ABI1: variants seen among roughly 807,000 people sequenced by gnomAD.
ABI1 encodes abl interactor 1.
A neutral mutation model predicts 54.6 loss-of-function variants in ABI1; 14 were observed. The observed-to-expected ratio is 0.26, with a 90% confidence interval of 0.17 to 0.40. The LOEUF (loss-of-function observed/expected upper bound fraction) is 0.40, where lower values mean the gene tolerates loss of function less well. ABI1 is among the 10% of genes least tolerant of loss of function. The probability of loss-of-function intolerance (pLI) is 1.00; values close to 1 mark genes in which losing one functional copy is unlikely to be tolerated. For missense variants in ABI1, 443 were observed against 598.3 expected (o/e 0.74, Z 2.71); for synonymous variants, 194 against 209.3 (o/e 0.93, Z 0.63).
At chr10:26,765,379 G>T in intron 6 of ABI1, 61 bp from the exon 7 acceptor site, 1 of 1,206,910 alleles carries the variant, frequency 8.3e-7, no homozygotes. Flanking sequence ...AAAAAAAACT[G>T]TAATCACCCA....
chr10:26,760,424 A>G (rs1838976320), intron 7 of ABI1, among the ~76,000 whole-genome samples: 1 of 152,220 alleles, frequency 6.6e-6, no homozygotes, highest in Non-Finnish European at 1.5e-5. Flanking sequence ...GTTCATTAAG[A>G]GAAGTGCTGA....
intron 2 of ABI1, among the ~76,000 whole-genome samples, chr10:26,804,467 T>C (rs1019130097): frequency 6.6e-6 from 1 of 152,064 alleles, no homozygotes; most frequent in African/African-American, 2.4e-5. Flanking sequence ...TTCAAGAACT[T>C]GGTTGTAAAC....
chr10:26,757,691 T>C (rs1838491136), intron 8 of ABI1, among the ~76,000 whole-genome samples: 1 of 152,188 alleles, frequency 6.6e-6, no homozygotes, highest in South Asian at 2.1e-4. Flanking sequence ...TTGGGATTAT[T>C]TGTGAATTTT....
chr10:26,842,136 G>A (rs2049564825), intron 1 of ABI1, among the ~76,000 whole-genome samples: 1 of 152,190 alleles, frequency 6.6e-6, no homozygotes, highest in African/African-American at 2.4e-5. Context: ...TAAGGGGTGT[G>A]AGGTGACGCC....
At position 26,860,947 on chromosome 10, in the gene ABI1, CG is replaced by C; in HGVS notation, c.-85del. The C allele has an allele frequency of 1.6e-6, 2 of 1,250,282 alleles. No homozygotes were observed. Among genetic ancestry groups the C allele is most frequent in the Non-Finnish European group, 2.3e-6 (2 of 858,560 alleles). 77.4% of individuals were successfully genotyped at this position (1,250,282 alleles called of 1,614,324 possible). A position where few individuals can be genotyped will look rare whatever the true frequency, so the allele number is the denominator to read the frequency against. On this transcript the variant is annotated 5_prime_UTR_variant, in exon 1 of 11. Transcript: ENST00000376140. This position sits in a 1 kb window ranked among gnomAD's most constrained non-coding sequence, Gnocchi z 4.1. ...CCGAGGCTCCGAGCACCTCACAGCC[CG>C]GATACAAACCGCCTACCCGCCCTCC... is the stretch of plus-strand genomic sequence containing the variant.
At chr10:26,852,380 G>A (rs141494664) in intron 1 of ABI1, among the ~76,000 whole-genome samples, 1 of 152,194 alleles carries the variant, frequency 6.6e-6, no homozygotes, top group Non-Finnish European at 1.5e-5. Flanking sequence ...TCAGGATGCC[G>A]AGGCAGGAGA....
chr10:26,834,548 A>AAC (rs571268846), intron 1 of ABI1, among the ~76,000 whole-genome samples: 24,462 of 138,232 alleles, frequency 0.18, 2,260 homozygotes, highest in African/African-American at 0.26. Flanking sequence ...AGACATACAA[A>AAC]ACACACACAC....
chr10:26,755,363 A>T (rs1838169416), intron 9 of ABI1, among the ~76,000 whole-genome samples: 1 of 152,158 alleles, frequency 6.6e-6, no homozygotes, highest in African/African-American at 2.4e-5. Context: ...TATAATTTGA[A>T]TTTTTGTGTT....
rs150325204 is a variant in ABI1, at chr10:26,763,491, G to A, written c.820+1727C>T. ...CAGAGTACCCCATCCCACACATATC[G>A]TTTGCCTTTCAATTTTTCTCCTCCT... On this transcript the variant is annotated intron_variant, in intron 7 of 10. Transcript: ENST00000376140. Among the ~76,000 whole-genome samples the A allele has an allele frequency of 1.0e-2, 1,517 of 152,072 alleles. 22 individuals carry two copies. Among genetic ancestry groups the A allele is most frequent in the African/African-American group, 0.033 (1,370 of 41,474 alleles).
chr10:26,853,529 CTTTTTTTTTT>C lies in ABI1; in HGVS notation c.117+7208_117+7217del, dbSNP rs535088026. Among the ~76,000 whole-genome samples the C allele has an allele frequency of 1.6e-3, 213 of 130,850 alleles. 2 individuals carry two copies. The highest frequency in any genetic ancestry group is 2.9e-3 in the Non-Finnish European group (177 of 62,066). 85.8% of individuals were successfully genotyped at this position (130,850 alleles called of 152,430 possible). A position where few individuals can be genotyped will look rare whatever the true frequency, so the allele number is the denominator to read the frequency against. ...AGCATTAACTATCAATTTTACCTTA[CTTTTTTTTTT>C]TTTTTTTTTTGAGACGGAGTCTCGC... On this transcript the variant is annotated intron_variant, in intron 1 of 10. Coordinates refer to ENST00000376140, the MANE Select transcript of ABI1 (RefSeq NM_001012750.3).
At chr10:26,834,169 G>A (rs559796750) in intron 1 of ABI1, among the ~76,000 whole-genome samples, 1 of 152,274 alleles carries the variant, frequency 6.6e-6, no homozygotes, top group South Asian at 2.1e-4. Flanking sequence ...GGTGGAGGTT[G>A]CAGTGAGCTG....
At chr10:26,776,078 C>T (rs1244096979) in intron 3 of ABI1, among the ~76,000 whole-genome samples, 3 of 152,150 alleles carry the variant, frequency 2.0e-5, no homozygotes, top group Non-Finnish European at 4.4e-5. Flanking sequence ...TGGATAAAAA[C>T]ACAAGAAATA....
chr10:26,796,132 G>C (rs1588902407), intron 2 of ABI1, among the ~76,000 whole-genome samples: 1 of 151,728 alleles, frequency 6.6e-6, no homozygotes, highest in Admixed American at 6.6e-5. Flanking sequence ...AATAGAGAAT[G>C]AAACAGTGGT....
At chr10:26,859,471 A>C (rs2051120120) in intron 1 of ABI1, among the ~76,000 whole-genome samples, 1 of 152,250 alleles carries the variant, frequency 6.6e-6, no homozygotes, top group African/African-American at 2.4e-5. Flanking sequence ...CTAACCTTTC[A>C]AAGCACGTTT....
chr10:26,809,419 C>T (rs1363679298), intron 2 of ABI1, among the ~76,000 whole-genome samples: 1 of 151,856 alleles, frequency 6.6e-6, no homozygotes, highest in Non-Finnish European at 1.5e-5. Flanking sequence ...ACCAGCCAAG[C>T]ACGGTGGCAT....
intron 8 of ABI1, among the ~76,000 whole-genome samples, chr10:26,757,632 C>T (rs1056134132): frequency 2.6e-5 from 4 of 152,116 alleles, no homozygotes; most frequent in Non-Finnish European, 5.9e-5. Flanking sequence ...AAGTTTAACA[C>T]TTCTCAGTAG....
intron 3 of ABI1, among the ~76,000 whole-genome samples, chr10:26,775,845 C>T (rs765197094): frequency 6.6e-5 from 10 of 151,920 alleles, no homozygotes; most frequent in Non-Finnish European, 7.4e-5. Context: ...GAAGTGAGTG[C>T]GAGTGTGTGC....
chr10:26,817,103 G>T (rs1264156594), intron 2 of ABI1, among the ~76,000 whole-genome samples: 1 of 151,788 alleles, frequency 6.6e-6, no homozygotes, highest in African/African-American at 2.4e-5. Flanking sequence ...GAGTTGAGGC[G>T]ATTCTCCTGC....
chr10:26,794,310 C>T (rs1843843243), intron 2 of ABI1, among the ~76,000 whole-genome samples: 1 of 151,958 alleles, frequency 6.6e-6, no homozygotes, highest in South Asian at 2.1e-4. Flanking sequence ...GTTCCAGCTA[C>T]ACAGGAGGCA....
Sources: allele counts gnomAD v4.1 joint callset (sites outside exome capture counted in the v4.1 genomes callset), GRCh38; gene constraint gnomAD v4.1.1; non-coding constraint Gnocchi (gnomAD v3.1); transcripts MANE v1.5; gene names NCBI Gene and HGNC (gene_info 2026-07-23, HGNC 2026-07-21).